FAR2: variants seen among roughly 807,000 people sequenced by gnomAD.
FAR2 encodes the protein fatty acyl-CoA reductase 2, also known as epididymis secretory protein Li 81.
A neutral mutation model predicts 56.0 loss-of-function variants in FAR2; 19 were observed. The observed-to-expected ratio is 0.34, with a 90% confidence interval of 0.24 to 0.50. The LOEUF is 0.50. Ranked by LOEUF, FAR2 falls within the 20% of genes least tolerant of loss-of-function variation. FAR2 has a pLI of 0.98. For missense variants in FAR2, 508 were observed against 642.2 expected (o/e 0.79, Z 2.26); for synonymous variants, 219 against 218.8 (o/e 1.00, Z -0.01).
intron 9 of FAR2, among the ~76,000 whole-genome samples, chr12:29,318,695 T>C (rs756437243): frequency 4.6e-5 from 7 of 152,206 alleles, no homozygotes; most frequent in African/African-American, 7.2e-5. Context: ...TGTGTGTATA[T>C]AAATCAATTG....
At chr12:29,176,724 G>C (rs1193796367) in intron 1 of FAR2, among the ~76,000 whole-genome samples, 2 of 152,186 alleles carry the variant, frequency 1.3e-5, no homozygotes, top group African/African-American at 2.4e-5. Flanking sequence ...ACTTGCCTAA[G>C]ATCTTGAATT....
chr12:29,233,620 TG>T (rs1312657597), intron 1 of FAR2, among the ~76,000 whole-genome samples: 2 of 152,256 alleles, frequency 1.3e-5, no homozygotes, highest in Non-Finnish European at 2.9e-5. Flanking sequence ...AACTTGGCTC[TG>T]GATTGCATTT....
chr12:29,172,900 G>C lies in FAR2; in HGVS notation c.-39+23493G>C, dbSNP rs533363486. On this transcript the variant is annotated intron_variant, in intron 1 of 11. Coordinates refer to ENST00000536681, the MANE Select transcript of FAR2 (RefSeq NM_001271783.2). ...CTCCAGTCCCCATGATCTGAGTTGA[G>C]GTCCCAGTGGGGCTCCATACTGGGG... Among the ~76,000 whole-genome samples, 8 of 152,318 alleles carry C rather than the reference G, an allele frequency of 5.3e-5. No individual in the cohort carries two copies. The South Asian group carries it at 1.2e-3, about 24-fold the overall frequency.
chr12:29,175,917 G>A (rs1047849143), intron 1 of FAR2, among the ~76,000 whole-genome samples: 1 of 152,172 alleles, frequency 6.6e-6, no homozygotes. Flanking sequence ...AGTCCAGCTG[G>A]CTTCATCTCT....
chr12:29,215,705 A>G (rs1009155559), intron 1 of FAR2, among the ~76,000 whole-genome samples: 4 of 152,352 alleles, frequency 2.6e-5, no homozygotes, highest in South Asian at 2.1e-4. Context: ...CACAGATTCT[A>G]TGTTGGTTCC....
At chr12:29,304,738 T>C (rs1016239130) in intron 4 of FAR2, among the ~76,000 whole-genome samples, 2 of 152,312 alleles carry the variant, frequency 1.3e-5, no homozygotes, top group Admixed American at 6.5e-5. Context: ...TGAACACACA[T>C]AGACATATAC....
At chr12:29,188,933 C>G (rs923019157) in intron 1 of FAR2, among the ~76,000 whole-genome samples, 2 of 151,880 alleles carry the variant, frequency 1.3e-5, no homozygotes, top group South Asian at 4.1e-4. Context: ...ATGTGTCCTT[C>G]TTATCATATC....
intron 1 of FAR2, among the ~76,000 whole-genome samples, chr12:29,160,344 C>T (rs1394092205): frequency 6.6e-6 from 1 of 152,200 alleles, no homozygotes; most frequent in Admixed American, 6.5e-5. Context: ...TGCATAACAC[C>T]TTCCATGGCT....
At chr12:29,161,723 G>A (rs949968056) in intron 1 of FAR2, among the ~76,000 whole-genome samples, 5 of 152,206 alleles carry the variant, frequency 3.3e-5, no homozygotes, top group Admixed American at 6.5e-5. Context: ...CAAAGTGATC[G>A]TTCAAGTAAT....
intron 1 of FAR2, among the ~76,000 whole-genome samples, chr12:29,259,817 A>G (rs12316548): frequency 0.053 from 8,109 of 152,162 alleles, 512 homozygotes; most frequent in African/African-American, 0.15. Flanking sequence ...TCTTTTTTTC[A>G]TTCAGCCATC....
chr12:29,170,825 C>T (rs545274315), intron 1 of FAR2, among the ~76,000 whole-genome samples: 23 of 152,272 alleles, frequency 1.5e-4, no homozygotes, highest in Non-Finnish European at 2.5e-4. Flanking sequence ...CTCTGCTAGC[C>T]GCTTATGCTG....
chr12:29,265,745 A>G (rs1948504878), intron 1 of FAR2, among the ~76,000 whole-genome samples: 1 of 152,214 alleles, frequency 6.6e-6, no homozygotes, highest in Admixed American at 6.5e-5. Flanking sequence ...GAATGAGAGA[A>G]AATATTTGTA....
intron 1 of FAR2, among the ~76,000 whole-genome samples, chr12:29,220,507 C>G (rs1947673471): frequency 6.6e-6 from 1 of 152,110 alleles, no homozygotes; most frequent in African/African-American, 2.4e-5. Context: ...GCTTTAAAAT[C>G]AAGGCCTTTT....
intron 1 of FAR2, among the ~76,000 whole-genome samples, chr12:29,177,858 C>A (rs1458675244): frequency 7.1e-6 from 1 of 140,650 alleles, no homozygotes; most frequent in Non-Finnish European, 1.5e-5. Context: ...AAAAAACATA[C>A]AACAACAACA....
chr12:29,318,974 CTTT>C (rs35945379), intron 9 of FAR2, among the ~76,000 whole-genome samples: 1 of 148,830 alleles, frequency 6.7e-6, no homozygotes, highest in African/African-American at 2.5e-5. Flanking sequence ...GTACAAAAGT[CTTT>C]TTTTTTTCTT....
chr12:29,211,492 T>A (rs1947548057), intron 1 of FAR2, among the ~76,000 whole-genome samples: 1 of 152,156 alleles, frequency 6.6e-6, no homozygotes, highest in Non-Finnish European at 1.5e-5. Flanking sequence ...ATCAACAAGT[T>A]TAGAAAACTA....
chr12:29,157,037 C>T (rs912113318), intron 1 of FAR2: 2 of 146,778 alleles, frequency 1.4e-5, no homozygotes, highest in Non-Finnish European at 3.0e-5. Context: ...GGACTGGTTT[C>T]AGGTGACATC....
chr12:29,304,870 T>G (rs1949231723), intron 4 of FAR2, among the ~76,000 whole-genome samples: 1 of 152,218 alleles, frequency 6.6e-6, no homozygotes, highest in East Asian at 1.9e-4. Flanking sequence ...TAGATTAATT[T>G]CAGACATGTA....
At chr12:29,222,803 C>A (rs1158887095) in intron 1 of FAR2, among the ~76,000 whole-genome samples, 1 of 152,088 alleles carries the variant, frequency 6.6e-6, no homozygotes, top group Non-Finnish European at 1.5e-5. Context: ...CTAATAAGGA[C>A]CAATTTAGAA....
Sources: gnomAD v4.1 joint callset for allele counts (sites outside exome capture counted in the v4.1 genomes callset) on GRCh38, gnomAD v4.1.1 for gene constraint, MANE v1.5 for transcripts, NCBI Gene and HGNC (gene_info 2026-07-23, HGNC 2026-07-21) for gene names.